The following NEB variants were observed in gnomAD, a reference collection of about 807,000 sequenced individuals.
NEB encodes the protein nemaline myopathy type 2.
A neutral mutation model predicts 952.2 loss-of-function variants in NEB; 512 were observed. That is an observed-to-expected ratio of 0.54 (90% confidence interval 0.50 to 0.58). NEB has a LOEUF of 0.58. NEB is among the 20% of genes least tolerant of loss of function. NEB has a pLI of 0.00. For missense variants in NEB, 8,428 were observed against 9,231.1 expected (o/e 0.91, Z 3.56); for synonymous variants, 2,900 against 3,149.8 (o/e 0.92, Z 2.66).
In NEB at chr2:151,514,850, G is replaced by A. The variant is rs373852098; in HGVS notation, c.22984C>T (p.His7662Tyr). 6.9e-6 allele frequency: 11 copies of A among 1,585,398 alleles called. No individual in the cohort carries two copies. Among genetic ancestry groups the A allele is most frequent in the African/African-American group, 2.7e-5 (2 of 74,538 alleles). ...GCTATTTTAGTTGCATATTTGACAT[G>A]TAACAAAGCTGGCGTGACCTCCAGG... ...TGLEVTPALLHVKYATKIASE... is the reference protein window; with the variant it reads ...TGLEVTPALLYVKYATKIASE... The change falls in exon 158 of 182, where the codon CAT (histidine) becomes TAT (tyrosine). Residue 7662 changes from histidine to tyrosine, a missense_variant. By Grantham distance (83) the His-to-Tyr change is moderately conservative (BLOSUM62 2). This residue lies in a region of NEB where 3,374 missense variants were observed against 3,651.5 expected (regional missense o/e 0.92). Coordinates refer to ENST00000397345, the MANE Select transcript of NEB (RefSeq NM_001164508.2).
intron 10 of NEB, 70 bp from the exon 11 acceptor site, chr2:151,710,608 A>C (rs2099742120): frequency 2.2e-6 from 2 of 905,080 alleles, no homozygotes; most frequent in Non-Finnish European, 3.3e-6. Flanking sequence ...CAAATTAAGA[A>C]ATAATGATTA....
intron 181 of NEB, among the ~76,000 whole-genome samples, chr2:151,488,908 CTATT>C (rs2053636442): frequency 6.6e-6 from 1 of 152,060 alleles, no homozygotes; most frequent in Admixed American, 6.5e-5. Flanking sequence ...TATTTTGTAT[CTATT>C]GCCATGCTAA....
Position 151,615,492 on chromosome 2 carries a change from G to A in NEB, c.11289+510C>T, listed in dbSNP as rs74486389. On this transcript the variant is annotated intron_variant, in intron 76 of 181. Coordinates refer to ENST00000397345, the MANE Select transcript of NEB (RefSeq NM_001164508.2). ...ACTTTGCCACTTGTTCTTGTGTCCG[G>A]TGAGGGACATCTCACCAATTAGGAG... Among the ~76,000 whole-genome samples, 1,127 of 152,334 alleles carry A rather than the reference G, an allele frequency of 7.4e-3. 13 individuals are homozygous for A. Among genetic ancestry groups the A allele is most frequent in the African/African-American group, 0.025 (1,045 of 41,574 alleles).
intron 17 of NEB, 48 bp downstream of exon 17, chr2:151,696,589 A>G: frequency 7.2e-7 from 1 of 1,384,830 alleles, no homozygotes; most frequent in Non-Finnish European, 1.0e-6. Context: ...AGAGTTATGA[A>G]ATGTTATCCC....
At position 151,646,348 on chromosome 2, in the gene NEB, T is replaced by C. The variant is rs2098957908; in HGVS notation, c.7432-114A>G. 28 of 802,984 alleles carry C rather than the reference T, an allele frequency of 3.5e-5. No individual in the cohort carries two copies. In the South Asian group the frequency reaches 4.2e-4, roughly 12 times the overall value. 49.7% of individuals were successfully genotyped at this position (802,984 alleles called of 1,614,324 possible). Reference sequence around the variant, plus strand: ...AATTAAACATTATACAGAATTGATATAATAAGCAGACAACATAAGCAGAAA... The same window carrying C: ...AATTAAACATTATACAGAATTGATACAATAAGCAGACAACATAAGCAGAAA... On this transcript the variant is annotated intron_variant, in intron 54 of 181. Transcript: ENST00000397345.
At chr2:151,726,880 A>T (rs933599060) in intron 5 of NEB, among the ~76,000 whole-genome samples, 2 of 149,646 alleles carry the variant, frequency 1.3e-5, no homozygotes, top group African/African-American at 5.0e-5. Flanking sequence ...TAATTAGGAG[A>T]TCCTACAATT....
At chr2:151,497,506 T>TAA in intron 171 of NEB, 120 bp downstream of exon 171, 3 of 1,493,828 alleles carry the variant, frequency 2.0e-6, no homozygotes, top group Non-Finnish European at 2.7e-6. Context: ...ATAAATTTGC[T>TAA]AAAGAAATTC....
intron 35 of NEB, 139 bp downstream of exon 35, chr2:151,675,147 AC>A (rs1299530237): frequency 1.4e-6 from 1 of 708,504 alleles, no homozygotes. Context: ...GAGGTAAAGA[AC>A]CATCCTTATG....
At position 151,490,633 on chromosome 2, in the gene NEB, CT is replaced by C. The variant is rs142927650; in HGVS notation, c.25151-116del. On this transcript the variant is annotated intron_variant, in intron 179 of 181. Transcript: ENST00000397345. ...TCTTTGCCAAGCATGGTTTTAAGTA[CT>C]TTCCCATGGGTCAAACCCTCACAGT... is the stretch of plus-strand genomic sequence containing the variant. The C allele has an allele frequency of 1.9e-3, 2,500 of 1,296,394 alleles. 65 individuals carry two copies. In the East Asian group the frequency reaches 0.054, roughly 28 times the overall value. The allele number at this position is 1,296,394 out of a possible 1,614,324, so 80.3% of individuals were successfully genotyped here.
chr2:151,501,215 A>ATGTT (rs887927997), intron 168 of NEB, among the ~76,000 whole-genome samples, 176 bp downstream of exon 168: 1 of 152,246 alleles, frequency 6.6e-6, no homozygotes, highest in Non-Finnish European at 1.5e-5. Context: ...AAAGTATAAA[A>ATGTT]TGTTTGTTAG....
chr2:151,654,715 A>G (rs930693601), intron 51 of NEB, among the ~76,000 whole-genome samples: 68 of 152,320 alleles, frequency 4.5e-4, no homozygotes, highest in African/African-American at 1.3e-3. Context: ...CCAATGTCAT[A>G]GGCACTTTTA....
At chr2:151,503,561 T>G in intron 165 of NEB, 120 bp from the exon 166 acceptor site, 1 of 637,904 alleles carries the variant, frequency 1.6e-6, no homozygotes, top group Non-Finnish European at 2.8e-6. Context: ...AAATATAACA[T>G]TCAAGGAACA....
chr2:151,695,001 A>G (rs933824841), intron 18 of NEB, among the ~76,000 whole-genome samples: 2 of 152,206 alleles, frequency 1.3e-5, no homozygotes, highest in Non-Finnish European at 2.9e-5. Context: ...GTTATTTCAT[A>G]AATCATTACA....
Position 151,687,653 on chromosome 2 carries a change from G to A in NEB, c.2496C>T (p.Ala832=). Reference sequence around the variant, plus strand: ...CGCTGGTGTTCTTGGTGTTGGCTTTGGCTGCCAACAGGGGAATGGCGTCCA... The same window carrying A: ...CGCTGGTGTTCTTGGTGTTGGCTTTAGCTGCCAACAGGGGAATGGCGTCCA... The part of the protein sequence containing the change: ...IKVDAIPLLA[A]KANTKNTSDV... Residue 832 remains alanine, a synonymous_variant, in exon 26 of 182, where the codon GCC becomes GCT. Transcript: ENST00000397345. The A allele has an allele frequency of 6.2e-7, 1 of 1,612,068 alleles. No individual in the cohort carries two copies. Among genetic ancestry groups the A allele is most frequent in the African/African-American group, 1.3e-5 (1 of 75,010 alleles).
chr2:151,560,498 G>C, intron 124 of NEB, 94 bp downstream of exon 124: 1 of 1,014,194 alleles, frequency 9.9e-7, no homozygotes, highest in Non-Finnish European at 1.5e-6. Context: ...GGGTACTTCT[G>C]GACAACGTAT....
At chr2:151,678,455 C>T (rs1216455696) in intron 32 of NEB, among the ~76,000 whole-genome samples, 1 of 152,098 alleles carries the variant, frequency 6.6e-6, no homozygotes, top group African/African-American at 2.4e-5. Flanking sequence ...GTATCAGTGA[C>T]AAAACAGATC....
intron 9 of NEB, among the ~76,000 whole-genome samples, chr2:151,719,982 A>G (rs1450552040): frequency 6.6e-6 from 1 of 152,144 alleles, no homozygotes; most frequent in African/African-American, 2.4e-5. Context: ...GGTAAAAGCA[A>G]CATTTGAATA....
At position 151,664,546 on chromosome 2, in the gene NEB, G is replaced by A. The variant is rs2099187563; in HGVS notation, c.5406C>T (p.Ala1802=). ...AGGCTCTTGCAGCCTTTATTGCAATGGCATCAGGCCTCAGGTCATATCCTT... is the reference window on the plus strand; with the variant it reads ...AGGCTCTTGCAGCCTTTATTGCAATAGCATCAGGCCTCAGGTCATATCCTT... ...KKKGYDLRPD[A]IAIKAARASR... The change falls in exon 44 of 182, where the codon GCC becomes GCT. Residue 1802 remains alanine (A), a synonymous_variant. Coordinates refer to ENST00000397345, the MANE Select transcript of NEB (RefSeq NM_001164508.2). The A allele has an allele frequency of 6.2e-7, 1 of 1,607,844 alleles. No homozygotes were observed. Among genetic ancestry groups the A allele is most frequent in the Non-Finnish European group, 8.5e-7 (1 of 1,177,288 alleles).
chr2:151,571,965 G>C (rs1233837549), intron 107 of NEB, among the ~76,000 whole-genome samples: 1 of 152,190 alleles, frequency 6.6e-6, no homozygotes, highest in Non-Finnish European at 1.5e-5. Flanking sequence ...TAAATTTTGA[G>C]TAGGCCTATT....
Sources: gnomAD v4.1 joint callset for allele counts (sites outside exome capture counted in the v4.1 genomes callset) on GRCh38, gnomAD v4.1.1 for gene constraint, gnomAD v4.1.1 regional missense constraint, MANE v1.5 for transcripts, NCBI Gene and HGNC (gene_info 2026-07-23, HGNC 2026-07-21) for gene names.